The following DNAJC1 variants were observed in gnomAD, a reference collection of about 807,000 sequenced individuals.
The protein encoded by DNAJC1 is DnaJ heat shock protein family (Hsp40) member C1.
Under a neutral mutation model 76.6 loss-of-function variants are expected in DNAJC1, and 58 were observed. The observed-to-expected ratio is 0.76, with a 90% CI of 0.61 to 0.94. The LOEUF is 0.94. Ranked by LOEUF, DNAJC1 falls within the 40% of genes least tolerant of loss-of-function variation. The pLI, the probability that DNAJC1 is intolerant of heterozygous loss-of-function variation, is 0.00. For synonymous variants in DNAJC1, 258 were observed against 267.9 expected, an observed-to-expected ratio of 0.96 and a Z score of 0.36; for missense variants, 689 against 677.3, an observed-to-expected ratio of 1.02 and a Z score of -0.19.
In DNAJC1 at chr10:21,944,929, C is replaced by T. The variant is rs111238859; in HGVS notation, c.223-15788G>A. On this transcript the variant is annotated intron_variant, in intron 1 of 11. Transcript: ENST00000376980. ...AATAGGAAAACACTGGAAGAAAATC[C>T]GCAGGCCAGAGAAGACAATGAACTT... 5.9e-5 allele frequency among the ~76,000 whole-genome samples: 9 copies of T among 152,120 alleles called. 1 individual carries two copies. Among genetic ancestry groups the T allele is most frequent in the African/African-American group, 1.9e-4 (8 of 41,496 alleles).
intron 6 of DNAJC1, among the ~76,000 whole-genome samples, chr10:21,908,959 C>T (rs1300432492): frequency 6.6e-6 from 1 of 152,024 alleles, no homozygotes; most frequent in Non-Finnish European, 1.5e-5. Context: ...GATCTCAGCT[C>T]ACTGCAACCT....
At chr10:21,887,144 C>T (rs1284604843) in intron 7 of DNAJC1, among the ~76,000 whole-genome samples, 4 of 151,814 alleles carry the variant, frequency 2.6e-5, no homozygotes, top group African/African-American at 9.7e-5. Flanking sequence ...TCACAACTGC[C>T]GCAAAAAGAA....
chr10:21,960,868 C>A (rs1837779364), intron 1 of DNAJC1, among the ~76,000 whole-genome samples: 1 of 152,116 alleles, frequency 6.6e-6, no homozygotes, highest in Non-Finnish European at 1.5e-5. Context: ...AAGAAACCTG[C>A]ACGTTCTGCA....
At chr10:21,952,996 C>G (rs11818337) in intron 1 of DNAJC1, among the ~76,000 whole-genome samples, 3,887 of 152,152 alleles carry the variant, frequency 0.026, 147 homozygotes, top group African/African-American at 0.086. Context: ...CAACAGTGCA[C>G]TAAGAACATT....
At chr10:21,821,296 A>G (rs1405027363) in intron 8 of DNAJC1, among the ~76,000 whole-genome samples, 1 of 152,332 alleles carries the variant, frequency 6.6e-6, no homozygotes, top group East Asian at 1.9e-4. Context: ...AACAACATCT[A>G]TGTGAGTTAT....
chr10:22,000,377 T>C (rs1008211714), intron 1 of DNAJC1, among the ~76,000 whole-genome samples: 2 of 152,198 alleles, frequency 1.3e-5, no homozygotes, highest in Non-Finnish European at 1.5e-5. Context: ...AACTTACTTA[T>C]AAGTAAAAGC....
At chr10:21,994,336 A>G (rs1590084588) in intron 1 of DNAJC1, among the ~76,000 whole-genome samples, 1 of 152,284 alleles carries the variant, frequency 6.6e-6, no homozygotes, top group East Asian at 1.9e-4. Context: ...TCCACAATAA[A>G]CACTTGCAAA....
intron 7 of DNAJC1, among the ~76,000 whole-genome samples, chr10:21,903,714 C>A (rs1239062988): frequency 6.6e-6 from 1 of 152,062 alleles, no homozygotes; most frequent in Non-Finnish European, 1.5e-5. Flanking sequence ...GAAAAATGAC[C>A]CCCTAAAATG....
intron 9 of DNAJC1, among the ~76,000 whole-genome samples, chr10:21,784,859 T>A (rs768230683): frequency 6.6e-6 from 1 of 151,508 alleles, no homozygotes; most frequent in African/African-American, 2.4e-5. Context: ...ATGAGAACAC[T>A]TGGACACAGG....
At chr10:21,898,131 G>C (rs1418002547) in intron 7 of DNAJC1, among the ~76,000 whole-genome samples, 1 of 152,138 alleles carries the variant, frequency 6.6e-6, no homozygotes, top group African/African-American at 2.4e-5. Flanking sequence ...TCAAAATAAA[G>C]AGAAGCAGGT....
chr10:21,876,878 CCAAA>C (rs1836197074), intron 8 of DNAJC1, among the ~76,000 whole-genome samples: 2 of 152,088 alleles, frequency 1.3e-5, no homozygotes, highest in South Asian at 2.1e-4. Context: ...CTACTTAATG[CCAAA>C]CAAACAAAAC....
chr10:21,883,287 C>T (rs1836312692), intron 7 of DNAJC1, among the ~76,000 whole-genome samples: 2 of 148,114 alleles, frequency 1.4e-5, no homozygotes, highest in African/African-American at 5.2e-5. Context: ...CACACACACA[C>T]ACACACACCA....
chr10:21,792,824 TC>T lies in DNAJC1; in HGVS notation c.1098+13155del, dbSNP rs1448486274. Among the ~76,000 whole-genome samples the T allele has an allele frequency of 3.1e-4, 46 of 150,384 alleles. 1 individual carries two copies. Among genetic ancestry groups the T allele is most frequent in the Admixed American group, 3.1e-3 (46 of 15,078 alleles). On this transcript the variant is annotated intron_variant, in intron 9 of 11. Transcript: ENST00000376980. Reference sequence around the variant, plus strand: ...CATATAAAATGTATATACAACATGATCAAGTGGGAATGTAAGGTTGGTTTAA... The same window carrying T: ...CATATAAAATGTATATACAACATGATAAGTGGGAATGTAAGGTTGGTTTAA...
intron 7 of DNAJC1, among the ~76,000 whole-genome samples, chr10:21,899,018 G>GC (rs905627634): frequency 1.3e-5 from 2 of 151,992 alleles, no homozygotes; most frequent in Non-Finnish European, 2.9e-5. Flanking sequence ...TGGGGTGATG[G>GC]CCCCCCAGAG....
chr10:21,961,143 C>T (rs1410748794), intron 1 of DNAJC1, among the ~76,000 whole-genome samples: 3 of 152,188 alleles, frequency 2.0e-5, no homozygotes, highest in African/African-American at 7.2e-5. Context: ...AACAGTGCAA[C>T]TGCTTGTGAA....
chr10:21,792,302 T>C (rs570372048), intron 9 of DNAJC1, among the ~76,000 whole-genome samples: 13 of 152,300 alleles, frequency 8.5e-5, no homozygotes, highest in African/African-American at 3.1e-4. Context: ...GAAGATATAA[T>C]AACAATTGTT....
chr10:21,919,759 T>A, intron 5 of DNAJC1, 73 bp downstream of exon 5: 1 of 1,005,910 alleles, frequency 9.9e-7, no homozygotes, highest in South Asian at 1.6e-5. Context: ...TAGACATACA[T>A]ATGAAGTTGA....
chr10:21,788,833 C>T (rs1378398295), intron 9 of DNAJC1, among the ~76,000 whole-genome samples: 2 of 152,170 alleles, frequency 1.3e-5, no homozygotes, highest in Non-Finnish European at 2.9e-5. Context: ...CAGGCCAGAG[C>T]TGTGAACTGC....
intron 1 of DNAJC1, among the ~76,000 whole-genome samples, chr10:21,936,468 G>A (rs1359016644): frequency 6.6e-6 from 1 of 152,106 alleles, no homozygotes; most frequent in Non-Finnish European, 1.5e-5. Context: ...AGTTACATAA[G>A]GCAGTAATTA....
Sources: gnomAD v4.1 joint callset for allele counts (sites outside exome capture counted in the v4.1 genomes callset) on GRCh38, gnomAD v4.1.1 for gene constraint, MANE v1.5 for transcripts, NCBI Gene and HGNC (gene_info 2026-07-23, HGNC 2026-07-21) for gene names.